CHD9: variants seen among roughly 807,000 people sequenced by gnomAD.
CHD9 encodes the protein ATP-dependent chromatin remodeler CHD9.
CHD9 carries 77 observed loss-of-function variants against 316.1 expected under a neutral mutation model. The observed-to-expected ratio is 0.24, with a 90% CI of 0.20 to 0.29. CHD9 has a LOEUF of 0.29. Among genes scored for constraint, CHD9 ranks in the 10% least tolerant of loss-of-function variants. CHD9 has a pLI of 1.00. For synonymous variants in CHD9, 1,129 were observed against 1,158.3 expected (o/e 0.97, Z 0.51); for missense variants, 2,763 against 3,438.1 (o/e 0.80, Z 4.91).
intron 1 of CHD9, among the ~76,000 whole-genome samples, chr16:53,137,291 T>C (rs1337078738): frequency 6.6e-6 from 1 of 152,090 alleles, no homozygotes; most frequent in Admixed American, 6.6e-5. Context: ...TTTTTCTATA[T>C]AGGAAGAGTT....
intron 1 of CHD9, among the ~76,000 whole-genome samples, chr16:53,141,878 G>A (rs982063241): frequency 5.9e-5 from 9 of 152,148 alleles, no homozygotes; most frequent in Non-Finnish European, 1.2e-4. Flanking sequence ...TGGTGGAAAG[G>A]GTGATGTTGT....
chr16:53,263,899 G>A (rs1164873149), intron 20 of CHD9, among the ~76,000 whole-genome samples: 1 of 152,074 alleles, frequency 6.6e-6, no homozygotes, highest in East Asian at 1.9e-4. Flanking sequence ...AGTGGGGTCT[G>A]CAAAACACTA....
intron 24 of CHD9, among the ~76,000 whole-genome samples, chr16:53,278,082 C>G (rs970018274): frequency 3.3e-5 from 5 of 151,000 alleles, no homozygotes; most frequent in Non-Finnish European, 7.4e-5. Flanking sequence ...AGGAAAACTA[C>G]AAAACACTCC....
chr16:53,271,433 G>A (rs554995860), intron 22 of CHD9, among the ~76,000 whole-genome samples: 1 of 152,156 alleles, frequency 6.6e-6, no homozygotes, highest in Admixed American at 6.5e-5. Context: ...GCCAGCCATG[G>A]TGACATGTGC....
At position 53,231,778 on chromosome 16, in the gene CHD9, A is replaced by T. The variant is rs376887875; in HGVS notation, c.2505A>T (p.Arg835Ser). 1 of 1,596,620 alleles carries T rather than the reference A, an allele frequency of 6.3e-7. No homozygotes were observed. Among genetic ancestry groups the T allele is most frequent in the Non-Finnish European group, 8.5e-7 (1 of 1,175,340 alleles). The change falls in exon 10 of 39, where the codon AGA (arginine) becomes AGT (serine). Residue 835 changes from arginine to serine, a missense_variant. Transcript: ENST00000447540. ...TGCAAGCTTCAAGGCCTGACACAAG[A>T]CGTTTGGTAAGAACCTGTTTTAGAC... ...EQLQASRPDT[R>S]RLDRPPSNIW...
chr16:53,251,324 C>T, intron 17 of CHD9, among the ~76,000 whole-genome samples: 1 of 152,264 alleles, frequency 6.6e-6, no homozygotes, highest in Non-Finnish European at 1.5e-5. Context: ...AGTGGATGTT[C>T]TAAAAGTTAA....
chr16:53,131,738 C>A (rs2039333163), intron 1 of CHD9, among the ~76,000 whole-genome samples: 1 of 152,132 alleles, frequency 6.6e-6, no homozygotes, highest in Non-Finnish European at 1.5e-5. Context: ...TTTCTCGCCT[C>A]CGTGAGTCAT....
chr16:53,274,465 AT>A (rs999536108), intron 24 of CHD9, among the ~76,000 whole-genome samples, 163 bp downstream of exon 24: 4 of 150,424 alleles, frequency 2.7e-5, no homozygotes, highest in Admixed American at 1.3e-4. Context: ...TTATTTATTC[AT>A]TTTTTTTTGA....
chr16:53,107,147 A>T (rs1180658265), intron 1 of CHD9, among the ~76,000 whole-genome samples: 1 of 152,238 alleles, frequency 6.6e-6, no homozygotes, highest in East Asian at 1.9e-4. Flanking sequence ...TAAAAAAATA[A>T]ATGTAGGCCA....
At chr16:53,118,758 A>C (rs1284652672) in intron 1 of CHD9, among the ~76,000 whole-genome samples, 1 of 151,682 alleles carries the variant, frequency 6.6e-6, no homozygotes, top group Non-Finnish European at 1.5e-5. Context: ...TAAAACAAGA[A>C]TGCTTCAAAA....
chr16:53,255,505 C>A, intron 18 of CHD9, 95 bp from the exon 19 acceptor site: 4 of 1,074,996 alleles, frequency 3.7e-6, no homozygotes, highest in Non-Finnish European at 2.7e-6. Context: ...GCAGTTTAAG[C>A]ATGCCTCTTG....
At chr16:53,212,465 A>T (rs1344469750) in intron 3 of CHD9, among the ~76,000 whole-genome samples, 1 of 152,070 alleles carries the variant, frequency 6.6e-6, no homozygotes, top group Admixed American at 6.5e-5. Flanking sequence ...TTTATGGTTG[A>T]TGTCATCAGG....
chr16:53,173,209 T>C (rs982405210), intron 2 of CHD9, among the ~76,000 whole-genome samples: 2 of 152,146 alleles, frequency 1.3e-5, no homozygotes, highest in African/African-American at 4.8e-5. Context: ...ATTTAATTTC[T>C]TTAATAGGTG....
Position 53,322,768 on chromosome 16 carries a change from C to CT in CHD9, c.7818+1139dup, listed in dbSNP as rs1301385153. On this transcript the variant is annotated intron_variant, in intron 38 of 38. Coordinates refer to ENST00000447540, the MANE Select transcript of CHD9 (RefSeq NM_001308319.2). ...CAAATGGAAAGGGCAGGCTATAAAA[C>CT]TAAGTTCGCTGTGATTCTATTTTTT... Among the ~76,000 whole-genome samples the CT allele has an allele frequency of 4.6e-4, 70 of 151,962 alleles. 1 individual carries two copies. The highest frequency in any genetic ancestry group is 8.8e-5 in the Non-Finnish European group (6 of 67,970).
At chr16:53,155,037 G>C (rs1445350346) in intron 1 of CHD9, among the ~76,000 whole-genome samples, 1 of 151,680 alleles carries the variant, frequency 6.6e-6, no homozygotes, top group African/African-American at 2.4e-5. Context: ...TATATTACTA[G>C]CTTATTTTAA....
At chr16:53,124,735 C>T (rs1044496505) in intron 1 of CHD9, among the ~76,000 whole-genome samples, 53 of 152,148 alleles carry the variant, frequency 3.5e-4, no homozygotes, top group African/African-American at 1.3e-3. Flanking sequence ...CCTCTTCGGC[C>T]TCCCAAAGTG....
At chr16:53,280,876 C>G (rs541233446) in intron 24 of CHD9, among the ~76,000 whole-genome samples, 2 of 152,252 alleles carry the variant, frequency 1.3e-5, no homozygotes, top group African/African-American at 4.8e-5. Context: ...CCCTAATGAC[C>G]TACAGTGTGA....
Position 53,295,301 on chromosome 16 carries a change from A to G in CHD9, c.5511-1655A>G, listed in dbSNP as rs188204745. ...ATCACCATGCCTCGCTAATTTTTGT[A>G]TATTTAGTAGACACTGGGTTTCACC... On this transcript the variant is annotated intron_variant, in intron 29 of 38. Coordinates refer to ENST00000447540, the MANE Select transcript of CHD9 (RefSeq NM_001308319.2). Among the ~76,000 whole-genome samples, 37 of 152,122 alleles carry G rather than the reference A, an allele frequency of 2.4e-4. 2 individuals are homozygous for G. In the East Asian group the frequency reaches 6.4e-3, roughly 26 times the overall value.
chr16:53,144,718 G>A (rs1485325594), intron 1 of CHD9, among the ~76,000 whole-genome samples: 1 of 152,050 alleles, frequency 6.6e-6, no homozygotes, highest in Non-Finnish European at 1.5e-5. Context: ...TAGAGACGGG[G>A]TTTCATTATG....
Sources: allele counts gnomAD v4.1 joint callset (sites outside exome capture counted in the v4.1 genomes callset), GRCh38; gene constraint gnomAD v4.1.1; transcripts MANE v1.5; gene names NCBI Gene and HGNC (gene_info 2026-07-23, HGNC 2026-07-21).